The following NRG1 variants were observed in gnomAD, a reference collection of about 807,000 sequenced individuals.
The protein encoded by NRG1 is pro-neuregulin-1, membrane-bound isoform.
In NRG1, 18 loss-of-function variants were observed where a neutral mutation model predicts 63.8. The observed-to-expected ratio is 0.28, with a 90% CI of 0.19 to 0.42. The LOEUF is 0.42. Among genes scored for constraint, NRG1 ranks in the 10% least tolerant of loss-of-function variants. The probability of loss-of-function intolerance (pLI) is 1.00; values close to 1 mark genes in which losing one functional copy is unlikely to be tolerated. For synonymous variants in NRG1, 302 were observed against 301.3 expected (o/e 1.00, Z -0.02); for missense variants, 762 against 814.7 (o/e 0.94, Z 0.79).
intron 1 of NRG1, among the ~76,000 whole-genome samples, chr8:32,084,748 C>A (rs941159098): frequency 2.0e-5 from 3 of 152,068 alleles, no homozygotes; most frequent in African/African-American, 4.8e-5. Flanking sequence ...CGGGACCAAG[C>A]TGGAACATGG....
intron 1 of NRG1, among the ~76,000 whole-genome samples, chr8:31,697,266 T>C (rs1201128717): frequency 6.6e-6 from 1 of 152,194 alleles, no homozygotes; most frequent in Non-Finnish European, 1.5e-5. Context: ...ATAACTGCAT[T>C]TGAAATCCTT....
chr8:32,762,865 G>A (rs556619747), intron 11 of NRG1, among the ~76,000 whole-genome samples: 2 of 152,230 alleles, frequency 1.3e-5, no homozygotes, highest in South Asian at 2.1e-4. Context: ...CAGTGTGCTC[G>A]GTGGCCTAAT....
intron 1 of NRG1, among the ~76,000 whole-genome samples, chr8:32,077,907 C>T (rs1054370853): frequency 4.6e-5 from 7 of 152,260 alleles, no homozygotes; most frequent in African/African-American, 1.7e-4. Context: ...GCTGAATTCC[C>T]TTGGGCTCTC....
At chr8:32,464,385 C>G (rs751469653) in intron 1 of NRG1, among the ~76,000 whole-genome samples, 44 of 149,258 alleles carry the variant, frequency 2.9e-4, no homozygotes, top group Middle Eastern at 3.5e-3. Context: ...GGACCGCATC[C>G]AGGTTGCAGA....
chr8:31,724,536 A>G (rs1813236288), intron 1 of NRG1, among the ~76,000 whole-genome samples: 1 of 152,170 alleles, frequency 6.6e-6, no homozygotes, highest in African/African-American at 2.4e-5. Flanking sequence ...TTCACAAACT[A>G]AAATACTCTG....
At chr8:31,704,092 C>G (rs1406881877) in intron 1 of NRG1, among the ~76,000 whole-genome samples, 3 of 152,178 alleles carry the variant, frequency 2.0e-5, no homozygotes, top group Non-Finnish European at 4.4e-5. Context: ...TGACACATAT[C>G]AGATTTATGC....
At chr8:31,837,137 A>G (rs1825754270) in intron 1 of NRG1, among the ~76,000 whole-genome samples, 1 of 152,048 alleles carries the variant, frequency 6.6e-6, no homozygotes, top group Non-Finnish European at 1.5e-5. Context: ...AGGAGCTTTT[A>G]TATATAAGAC....
intron 1 of NRG1, among the ~76,000 whole-genome samples, chr8:32,266,695 C>A (rs1278453097): frequency 6.6e-6 from 1 of 151,962 alleles, no homozygotes; most frequent in South Asian, 2.1e-4. Flanking sequence ...TATCAAAACA[C>A]AATATTCTAG....
chr8:31,801,638 T>C (rs1029239998), intron 1 of NRG1, among the ~76,000 whole-genome samples: 14 of 152,168 alleles, frequency 9.2e-5, no homozygotes, highest in Admixed American at 9.2e-4. Flanking sequence ...AACCAATCTT[T>C]GGTATCCTTC....
intron 1 of NRG1, among the ~76,000 whole-genome samples, chr8:32,151,317 G>A (rs1837477767): frequency 6.6e-6 from 1 of 152,140 alleles, no homozygotes; most frequent in African/African-American, 2.4e-5. Context: ...TGAGGATTCT[G>A]TTTATTCACT....
Position 32,299,333 on chromosome 8 carries a change from A to G in NRG1, c.38-296495A>G, listed in dbSNP as rs530269125. ...ACATACATCTCAGGCAGTGCCGAGG[A>G]CTAAAGATAAATTTGATACCTATGG... On this transcript the variant is annotated intron_variant, in intron 1 of 10. Transcript: ENST00000519301. Among the ~76,000 whole-genome samples, 8 of 152,310 alleles carry G rather than the reference A, an allele frequency of 5.3e-5. No individual in the cohort carries two copies. In the East Asian group the frequency reaches 1.5e-3, roughly 29 times the overall value.
At chr8:31,809,738 A>ATTTT (rs1350132881) in intron 1 of NRG1, among the ~76,000 whole-genome samples, 2 of 83,038 alleles carry the variant, frequency 2.4e-5, no homozygotes, top group Admixed American at 1.2e-4. Flanking sequence ...CCTTCTATTA[A>ATTTT]TTGTTTTTTT....
chr8:32,767,209 C>T (rs1385464175), exon 12 of NRG1: 1 of 152,184 alleles, frequency 6.6e-6, no homozygotes, highest in African/African-American at 2.4e-5. Context: ...AAATGGTCCT[C>T]TGTGTAGGTG....
At chr8:31,669,398 C>A (rs1441035906) in intron 1 of NRG1, among the ~76,000 whole-genome samples, 1 of 151,962 alleles carries the variant, frequency 6.6e-6, no homozygotes, top group South Asian at 2.1e-4. Context: ...CCACCATGCC[C>A]GGCTAATTTT....
intron 1 of NRG1, among the ~76,000 whole-genome samples, chr8:32,186,348 C>T (rs1240771384): frequency 1.3e-5 from 2 of 151,604 alleles, no homozygotes; most frequent in Non-Finnish European, 2.9e-5. Context: ...GTAGTCCCTG[C>T]TACTCAGGAG....
chr8:32,386,199 T>C (rs1305004079), intron 1 of NRG1, among the ~76,000 whole-genome samples: 2 of 152,216 alleles, frequency 1.3e-5, no homozygotes, highest in African/African-American at 4.8e-5. Context: ...ACTACTGGCC[T>C]CAAGCAATCC....
exon 11 of NRG1, chr8:32,760,213 C>G: frequency 6.2e-7 from 1 of 1,613,966 alleles, no homozygotes; most frequent in African/African-American, 1.3e-5. Context: ...GAGCAACGGA[C>G]ACACTGAAAG....
intron 5 of NRG1, among the ~76,000 whole-genome samples, chr8:32,707,486 A>G (rs1816721833): frequency 6.6e-6 from 1 of 152,144 alleles, no homozygotes; most frequent in Non-Finnish European, 1.5e-5. Context: ...TTTCAAATTT[A>G]ATATGAAATA....
rs959838128 is a variant in NRG1 at position 32,640,105 on chromosome 8, G to A, written c.502+23220G>A. On this transcript the variant is annotated intron_variant, in intron 5 of 11. Transcript: ENST00000356819. ...CGTAACTGTAATAGTGAATATTAAT[G>A]AGACACAGCAAAGATATTTGCTCAA... Among the ~76,000 whole-genome samples, 5 of 152,134 alleles carry A rather than the reference G, an allele frequency of 3.3e-5. No homozygotes were observed. In the East Asian group the frequency reaches 9.6e-4, roughly 29 times the overall value.
Sources: allele counts gnomAD v4.1 joint callset (sites outside exome capture counted in the v4.1 genomes callset), GRCh38; gene constraint gnomAD v4.1.1; transcripts MANE v1.5; gene names NCBI Gene and HGNC (gene_info 2026-07-23, HGNC 2026-07-21).